PROX2: variants seen among roughly 807,000 people sequenced by gnomAD.
The protein encoded by PROX2 is prospero homeobox 2, also known as prospero homeobox protein 2.
A neutral mutation model predicts 48.9 loss-of-function variants in PROX2; 46 were observed. The ratio of observed to expected loss-of-function variants is 0.94; its 90% confidence interval spans 0.74 to 1.20. The LOEUF is 1.20. Ranked by LOEUF, PROX2 falls within the 50% of genes most tolerant of loss-of-function variation. The probability of loss-of-function intolerance (pLI) is 0.00; values close to 1 mark genes in which losing one functional copy is unlikely to be tolerated. For missense variants in PROX2, 663 were observed against 719.4 expected (o/e 0.92, Z 0.90); for synonymous variants, 260 against 276.6 (o/e 0.94, Z 0.60).
At chr14:74,856,541 G>A in intron 5 of PROX2, 1 of 491,950 alleles carries the variant, frequency 2.0e-6, no homozygotes, top group South Asian at 3.0e-5. Flanking sequence ...AGGGTATTCA[G>A]TCTAAGATGG....
chr14:74,862,965 C>G lies in PROX2; in HGVS notation c.870G>C (p.Arg290Ser), dbSNP rs1476979147. ...GGACCCCAGCTTGTAGCTGGACCCT[C>G]CTGGGCAAGGCAGCCAAAGCAAGTG... is the stretch of plus-strand genomic sequence containing the variant. ...KDPLALAALP[R>S]RVQLQAGVPV... Residue 290 changes from arginine (R) to serine (S), a missense_variant, in exon 3 of 6, where the codon AGG becomes AGC. Physicochemically the swap from Arg to Ser is moderately radical, Grantham distance 110. Coordinates refer to ENST00000556489, the MANE Select transcript of PROX2 (RefSeq NM_001243007.2). 1.2e-6 allele frequency: 2 copies of G among 1,613,890 alleles called. No individual in the cohort carries two copies. Among genetic ancestry groups the G allele is most frequent in the Non-Finnish European group, 1.7e-6 (2 of 1,179,890 alleles).
chr14:74,867,160 C>T (rs1883084970), intron 2 of PROX2, among the ~76,000 whole-genome samples: 1 of 152,172 alleles, frequency 6.6e-6, no homozygotes, highest in Non-Finnish European at 1.5e-5. Context: ...TGCTTATGCC[C>T]CTCTATGGAA....
rs753788918 is a variant in PROX2 at position 74,863,701 on chromosome 14, A to G, written c.134T>C (p.Val45Ala). The change falls in exon 3 of 6, where the codon GTC becomes GCC. Residue 45 changes from valine (V) to alanine (A), a missense_variant. Val to Ala is a moderately conservative substitution (Grantham distance 64, BLOSUM62 0). Transcript: ENST00000556489. The part of the protein sequence containing the change: ...DRDSPFPWSQ[V>A]PSSSPTDPEW... ...GGGGTCTGTAGGGCTGGAGCTGGGG[A>G]CCTGACTCCAGGGAAACGGGGAGTC... 3.3e-6 allele frequency: 5 copies of G among 1,533,616 alleles called. No individual in the cohort carries two copies. The highest frequency in any genetic ancestry group is 2.3e-5 in the East Asian group (1 of 44,304).
intron 3 of PROX2, among the ~76,000 whole-genome samples, chr14:74,862,108 G>C (rs920259881): frequency 6.6e-6 from 1 of 152,190 alleles, no homozygotes; most frequent in South Asian, 2.1e-4. Context: ...ACTATAAGCT[G>C]AAGGCCCAGA....
intron 1 of PROX2, chr14:74,874,240 G>C: frequency 2.8e-6 from 1 of 354,144 alleles, no homozygotes; most frequent in South Asian, 2.3e-5. Flanking sequence ...TGACCTGCCA[G>C]CATCATACAA....
intron 3 of PROX2, among the ~76,000 whole-genome samples, chr14:74,860,430 T>G (rs1279741505): frequency 1.3e-5 from 2 of 151,812 alleles, no homozygotes; most frequent in African/African-American, 4.8e-5. Context: ...TGTCAAAGCT[T>G]TATGGGTTTC....
chr14:74,865,183 G>T, intron 2 of PROX2: 1 of 150,046 alleles, frequency 6.7e-6, no homozygotes. Flanking sequence ...AAACACTGCC[G>T]TCCTAACTCT....
At position 74,858,842 on chromosome 14, in the gene PROX2, T is replaced by TTTTGTGTGTGTG. The variant is rs1491205215; in HGVS notation, c.1306-329_1306-328insCACACACACAAA. The TTTTGTGTGTGTG allele has an allele frequency of 1.9e-5, 3 of 162,148 alleles. 1 individual carries two copies. The highest frequency in any genetic ancestry group is 2.5e-4 in the South Asian group (2 of 8,094). 10.0% of individuals were successfully genotyped at this position (162,148 alleles called of 1,614,324 possible). ...TAGATGTCAAATACAGGTTGGTGTA[T>TTTTGTGTGTGTG]TGTGTGTGTGTGTGTGTGTGTGTGT... On this transcript the variant is annotated intron_variant, in intron 3 of 5. Transcript: ENST00000556489.
rs2091728762 is a variant in PROX2, at chr14:74,854,645, C to T, written c.*487G>A. 1 of 153,526 alleles carries T rather than the reference C, an allele frequency of 6.5e-6. No individual in the cohort carries two copies. Among genetic ancestry groups the T allele is most frequent in the South Asian group, 2.0e-4 (1 of 4,952 alleles). The allele number at this position is 153,526 out of a possible 1,614,324, so 9.5% of individuals were successfully genotyped here. A position where few individuals can be genotyped will look rare whatever the true frequency, so the allele number is the denominator to read the frequency against. On this transcript the variant is annotated 3_prime_UTR_variant, in exon 6 of 6. Coordinates refer to ENST00000556489, the MANE Select transcript of PROX2 (RefSeq NM_001243007.2). ...AAAAGCTTAAAGTATGTGAAAGTAT[C>T]TAGCAAATAGATGGCGCTTTATAAT...
intron 2 of PROX2, among the ~76,000 whole-genome samples, chr14:74,868,353 AT>A (rs1167755293): frequency 1.3e-4 from 17 of 133,352 alleles, no homozygotes; most frequent in Non-Finnish European, 1.6e-4. Flanking sequence ...ATATATATAT[AT>A]ATATATAAAC....
chr14:74,873,440 G>A (rs1376780794), intron 1 of PROX2, among the ~76,000 whole-genome samples: 2 of 152,320 alleles, frequency 1.3e-5, no homozygotes, highest in East Asian at 1.9e-4. Flanking sequence ...GCGGGAAATA[G>A]GCACTCCTTA....
At chr14:74,858,556 T>G (rs1437493289) in intron 3 of PROX2, 42 bp from the exon 4 acceptor site, 1 of 1,052,476 alleles carries the variant, frequency 9.5e-7, no homozygotes, top group Non-Finnish European at 1.4e-6. Flanking sequence ...AAAATGCCAG[T>G]TTATCAATTA....
intron 3 of PROX2, chr14:74,858,766 GGTT>G (rs1197892341): frequency 2.7e-6 from 1 of 375,634 alleles, no homozygotes; most frequent in Non-Finnish European, 4.8e-6. Context: ...GTCAAATACA[GGTT>G]GGTGTATTTT....
rs1348740998 is a variant in PROX2 at position 74,854,490 on chromosome 14, C to T, written c.*642G>A. 2 of 214,656 alleles carry T rather than the reference C, an allele frequency of 9.3e-6. No homozygotes were observed. The highest frequency in any genetic ancestry group is 1.9e-5 in the Non-Finnish European group (2 of 102,856). 13.3% of individuals were successfully genotyped at this position (214,656 alleles called of 1,614,324 possible). ...AGTTGGGCATCAGAAAGTCTTGGTT[C>T]CTCCAGGCTCCTGACTGTCCCTATC... On this transcript the variant is annotated 3_prime_UTR_variant, in exon 6 of 6. Transcript: ENST00000556489.
intron 2 of PROX2, among the ~76,000 whole-genome samples, chr14:74,868,313 TTA>T (rs4026383): frequency 0.035 from 1,866 of 53,416 alleles, 23 homozygotes; most frequent in Non-Finnish European, 0.044. Context: ...TTTCTCGTAA[TTA>T]TATATATATA....
chr14:74,862,779 A>G lies in PROX2; in HGVS notation c.1056T>C (p.His352=), dbSNP rs1168163058. 2.5e-6 allele frequency: 4 copies of G among 1,613,892 alleles called. No homozygotes were observed. The highest frequency in any genetic ancestry group is 1.6e-4 in the Middle Eastern group (1 of 6,084). Residue 352 remains histidine (H), a synonymous_variant, in exon 3 of 6, where the codon CAT becomes CAC. Transcript: ENST00000556489. ...TACTCCAATGGCCATTGTTGTATCT[A>G]TGACCCAGTAGCTGGCTAAGAATCT... ...ENQILSQLLG[H]RYNNGHWSSS... is the part of the protein sequence containing the mutation.
At chr14:74,864,623 C>A (rs191281789) in intron 2 of PROX2, among the ~76,000 whole-genome samples, 196 of 152,214 alleles carry the variant, frequency 1.3e-3, no homozygotes, top group Middle Eastern at 3.4e-3. Context: ...AGGCGGATCA[C>A]CTGAGGTTGG....
At position 74,855,096 on chromosome 14, in the gene PROX2, C is replaced by G. The variant is rs1454733352; in HGVS notation, c.*36G>C. 7.1e-7 allele frequency: 1 copy of G among 1,403,758 alleles called. No individual in the cohort carries two copies. Among genetic ancestry groups the G allele is most frequent in the Non-Finnish European group, 9.4e-7 (1 of 1,059,036 alleles). The allele number at this position is 1,403,758 out of a possible 1,614,324, so 87.0% of individuals were successfully genotyped here. On this transcript the variant is annotated 3_prime_UTR_variant, in exon 6 of 6. Coordinates refer to ENST00000556489, the MANE Select transcript of PROX2 (RefSeq NM_001243007.2). ...ACAAACCCAGGAAACCCTAGCCAGT[C>G]ACTCCTCACGTTGTGGGATCTTAAC...
Position 74,863,443 on chromosome 14 carries a change from C to G in PROX2, c.392G>C (p.Arg131Pro), listed in dbSNP as rs564000021. The part of the protein sequence containing the change: ...WDQGNRKGGP[R>P]VREQLHLLKQ... ...CAGCAGATGAAGTTGTTCTCTCACA[C>G]GAGGGCCCCCCTTCCTGTTGCCCTG... is the stretch of plus-strand genomic sequence containing the variant. Residue 131 changes from arginine (R) to proline (P), a missense_variant, in exon 3 of 6, where the codon CGT (arginine) becomes CCT (proline). Physicochemically the swap from Arg to Pro is moderately radical, Grantham distance 103. Transcript: ENST00000556489. 6.2e-7 allele frequency: 1 copy of G among 1,613,202 alleles called. No individual in the cohort carries two copies. Among genetic ancestry groups the G allele is most frequent in the Non-Finnish European group, 8.5e-7 (1 of 1,179,488 alleles).
Sources: allele counts gnomAD v4.1 joint callset (sites outside exome capture counted in the v4.1 genomes callset), GRCh38; gene constraint gnomAD v4.1.1; transcripts MANE v1.5; gene names NCBI Gene and HGNC (gene_info 2026-07-23, HGNC 2026-07-21).